The following IPO5 variants were observed in gnomAD, a reference collection of about 807,000 sequenced individuals.
The protein encoded by IPO5 is importin 5.
A neutral mutation model predicts 143.3 loss-of-function variants in IPO5; 18 were observed. The ratio of observed to expected loss-of-function variants is 0.13; its 90% CI spans 0.09 to 0.19. IPO5 has a LOEUF of 0.19. Among genes scored for constraint, IPO5 ranks in the 10% least tolerant of loss-of-function variants. The pLI, the probability that IPO5 is intolerant of heterozygous loss-of-function variation, is 1.00. For synonymous variants in IPO5, 477 were observed against 465.7 expected (o/e 1.02, Z -0.31); for missense variants, 1,013 against 1,336.9 (o/e 0.76, Z 3.78).
In IPO5 at chr13:97,985,370, T is replaced by TA. The variant is rs747894701; in HGVS notation, c.172-50dup. 3 of 1,405,906 alleles carry TA rather than the reference T, an allele frequency of 2.1e-6. No individual in the cohort carries two copies. The South Asian group carries it at 3.6e-5, about 17-fold the overall frequency. 87.1% of individuals were successfully genotyped at this position (1,405,906 alleles called of 1,614,324 possible). ...GAAATATAAAAATACAACAGTGAAATACATCAATGGCAGAGTGAATCTAGT... is the reference window on the plus strand; with the variant it reads ...GAAATATAAAAATACAACAGTGAAATAACATCAATGGCAGAGTGAATCTAGT... On this transcript the variant is annotated intron_variant, in intron 5 of 28. Transcript: ENST00000651721.
chr13:98,012,476 A>G (rs1889789097), intron 21 of IPO5, 134 bp downstream of exon 21: 1 of 622,918 alleles, frequency 1.6e-6, no homozygotes, highest in East Asian at 2.7e-5. Context: ...CTCTTAGGTG[A>G]TAAACTCGGT....
intron 22 of IPO5, among the ~76,000 whole-genome samples, chr13:98,015,032 CTTGA>C (rs1281006079): frequency 2.0e-5 from 3 of 152,228 alleles, no homozygotes; most frequent in East Asian, 1.9e-4. Flanking sequence ...TTGCTCCAAT[CTTGA>C]TTGAAGATTT....
intron 18 of IPO5, among the ~76,000 whole-genome samples, chr13:98,008,976 T>C (rs1889487443): frequency 6.6e-6 from 1 of 152,158 alleles, no homozygotes; most frequent in South Asian, 2.1e-4. Context: ...GATATGCAAA[T>C]ATACATGTAT....
chr13:97,962,504 T>A (rs1395861831), intron 2 of IPO5, among the ~76,000 whole-genome samples: 3 of 152,032 alleles, frequency 2.0e-5, no homozygotes, highest in Non-Finnish European at 4.4e-5. Flanking sequence ...GCCAGGGTCC[T>A]CAAGAGAAAA....
intron 25 of IPO5, 30 bp downstream of exon 25, chr13:98,016,881 T>G: frequency 6.8e-7 from 1 of 1,465,240 alleles, no homozygotes; most frequent in Non-Finnish European, 9.0e-7. Context: ...ATAGTTGTTT[T>G]GCGTAGTTTA....
intron 26 of IPO5, among the ~76,000 whole-genome samples, chr13:98,019,360 CT>C (rs886890857): frequency 6.6e-6 from 1 of 152,204 alleles, no homozygotes; most frequent in Non-Finnish European, 1.5e-5. Flanking sequence ...ACTAATCTCT[CT>C]GGGTCTCTAA....
At chr13:97,984,048 G>C (rs1439098531) in intron 5 of IPO5, among the ~76,000 whole-genome samples, 1 of 127,124 alleles carries the variant, frequency 7.9e-6, no homozygotes, top group Admixed American at 1.0e-4. Context: ...GCGGGATCTC[G>C]GCTCACTGCA....
At chr13:98,009,614 A>T (rs1356967497) in intron 18 of IPO5, among the ~76,000 whole-genome samples, 1 of 152,216 alleles carries the variant, frequency 6.6e-6, no homozygotes, top group Non-Finnish European at 1.5e-5. Context: ...AACCATTATC[A>T]CTTACTGAAA....
rs1301193435 is a variant in IPO5 at position 98,021,827 on chromosome 13, C to T, written c.*5C>T. 1 of 1,588,656 alleles carries T rather than the reference C, an allele frequency of 6.3e-7. No homozygotes were observed. On this transcript the variant is annotated 3_prime_UTR_variant, in exon 29 of 29. Coordinates refer to ENST00000651721, the MANE Select transcript of IPO5 (RefSeq NM_002271.6). Reference sequence around the variant, plus strand: ...GAGCTCCTGAACTCTGCGTGAAGGGCCTTAATGTCACCCACCAGAAAACTA... The same window carrying T: ...GAGCTCCTGAACTCTGCGTGAAGGGTCTTAATGTCACCCACCAGAAAACTA...
chr13:98,001,491 A>G (rs1340437859), intron 13 of IPO5, among the ~76,000 whole-genome samples: 3 of 152,052 alleles, frequency 2.0e-5, no homozygotes, highest in African/African-American at 4.8e-5. Context: ...ACGCCCAGCT[A>G]TTTCGAGACA....
chr13:98,016,718 G>T lies in IPO5; in HGVS notation c.2494-11G>T, dbSNP rs749057116. 7.4e-7 allele frequency: 1 copy of T among 1,348,636 alleles called. No individual in the cohort carries two copies. The highest frequency in any genetic ancestry group is 1.0e-6 in the Non-Finnish European group (1 of 991,658). 83.5% of individuals were successfully genotyped at this position (1,348,636 alleles called of 1,614,324 possible). A position where few individuals can be genotyped will look rare whatever the true frequency, so the allele number is the denominator to read the frequency against. On this transcript the variant is annotated splice_polypyrimidine_tract_variant and intron_variant, in intron 24 of 28. Transcript: ENST00000651721. ...AATCCATATGAGTGTTTATGTGTATGTTTTTTTTAGGATGATAATGATGTT... is the reference window on the plus strand; with the variant it reads ...AATCCATATGAGTGTTTATGTGTATTTTTTTTTTAGGATGATAATGATGTT...
rs755947383 is a variant in IPO5 at position 97,976,659 on chromosome 13, C to T, written c.-4-34C>T. ...GGCCCGCGAGCGCGCCTCACGGCTCCTGTCTCCCCTCCCTCCTTCTCTCTC... is the reference window on the plus strand; with the variant it reads ...GGCCCGCGAGCGCGCCTCACGGCTCTTGTCTCCCCTCCCTCCTTCTCTCTC... On this transcript the variant is annotated intron_variant, in intron 3 of 28. Coordinates refer to ENST00000651721, the MANE Select transcript of IPO5 (RefSeq NM_002271.6). 3.5e-6 allele frequency: 4 copies of T among 1,145,586 alleles called. No homozygotes were observed. In the African/African-American group the frequency reaches 5.0e-5, roughly 14 times the overall value. The allele number at this position is 1,145,586 out of a possible 1,614,324, so 71.0% of individuals were successfully genotyped here.
At chr13:98,016,381 G>A (rs1027376315) in intron 24 of IPO5, among the ~76,000 whole-genome samples, 3 of 151,772 alleles carry the variant, frequency 2.0e-5, no homozygotes, top group African/African-American at 7.3e-5. Context: ...GGATTATTCT[G>A]CTGAAAACAA....
intron 24 of IPO5, 115 bp downstream of exon 24, chr13:98,015,896 G>A: frequency 1.5e-6 from 1 of 667,878 alleles, no homozygotes; most frequent in Non-Finnish European, 2.6e-6. Flanking sequence ...TCAGTCTTTA[G>A]CAGAGGAGTC....
intron 11 of IPO5, 70 bp downstream of exon 11, chr13:97,993,295 G>A (rs1887954168): frequency 3.1e-6 from 4 of 1,287,266 alleles, no homozygotes; most frequent in South Asian, 1.3e-5. Context: ...GCTGAGGGTT[G>A]TGTGATTTCT....
chr13:97,977,608 A>C (rs77926211), intron 4 of IPO5, among the ~76,000 whole-genome samples: 3,848 of 152,058 alleles, frequency 0.025, 150 homozygotes, highest in African/African-American at 0.086. Flanking sequence ...TTTTTTTCAA[A>C]CCACCTCTTG....
chr13:98,004,638 C>T (rs922826500), intron 16 of IPO5, among the ~76,000 whole-genome samples: 2 of 151,956 alleles, frequency 1.3e-5, no homozygotes, highest in African/African-American at 2.4e-5. Context: ...AAGAGTTGTA[C>T]GAAGAGAAGG....
rs376053819 is a variant in IPO5 at position 98,002,791 on chromosome 13, A to C, written c.1323+18A>C. The C allele has an allele frequency of 1.9e-6, 3 of 1,600,858 alleles. No homozygotes were observed. Among genetic ancestry groups the C allele is most frequent in the East Asian group, 2.2e-5 (1 of 44,846 alleles). On this transcript the variant is annotated intron_variant, in intron 15 of 28. Transcript: ENST00000651721. The stretch of plus-strand genomic sequence containing the variant: ...ATGAGAAGGTAAGTAACAAGTCCTC[A>C]AACACTTAAATCAGACTTTAGGAAG...
chr13:97,961,082 G>A (rs1884842276), intron 2 of IPO5, among the ~76,000 whole-genome samples: 1 of 152,170 alleles, frequency 6.6e-6, no homozygotes, highest in Non-Finnish European at 1.5e-5. Flanking sequence ...AAAAAAATGT[G>A]TGGTCTTTTT....
Sources: gnomAD v4.1 joint callset for allele counts (sites outside exome capture counted in the v4.1 genomes callset) on GRCh38, gnomAD v4.1.1 for gene constraint, MANE v1.5 for transcripts, NCBI Gene and HGNC (gene_info 2026-07-23, HGNC 2026-07-21) for gene names.